The following STK33 variants were observed in gnomAD, a reference collection of about 807,000 sequenced individuals.
STK33 encodes the protein serine/threonine-protein kinase 33.
STK33 carries 52 observed loss-of-function variants against 58.0 expected under a neutral mutation model. That is an observed-to-expected ratio of 0.90 (90% CI 0.72 to 1.13). The LOEUF is 1.13. STK33 is among the 50% of genes most tolerant of loss of function. The pLI is 0.00. For synonymous variants in STK33, 215 were observed against 200.1 expected (o/e 1.07, Z -0.63); for missense variants, 630 against 604.2 (o/e 1.04, Z -0.45).
chr11:8,412,910 A>T (rs1380542881), intron 15 of STK33, among the ~76,000 whole-genome samples: 1 of 152,226 alleles, frequency 6.6e-6, no homozygotes, highest in African/African-American at 2.4e-5. Flanking sequence ...CTATTCATTA[A>T]AAAGAATAAA....
chr11:8,354,142 CTA>C, the STK33 span, among the ~76,000 whole-genome samples: 3 of 152,098 alleles, frequency 2.0e-5, no homozygotes, highest in African/African-American at 7.2e-5. Context: ...GATGAGAACA[CTA>C]TGTTACCCAC....
At chr11:8,525,535 T>C (rs983990189) in intron 1 of STK33, among the ~76,000 whole-genome samples, 3 of 152,164 alleles carry the variant, frequency 2.0e-5, no homozygotes. Context: ...GTGAGAAAAT[T>C]ACATATTCAT....
At chr11:8,549,896 T>C (rs760864296) in intron 1 of STK33, among the ~76,000 whole-genome samples, 5 of 152,212 alleles carry the variant, frequency 3.3e-5, no homozygotes, top group Non-Finnish European at 5.9e-5. Flanking sequence ...GTTTGTTGAT[T>C]TTCATATTTA....
chr11:8,424,760 C>T (rs938072299), intron 14 of STK33, among the ~76,000 whole-genome samples: 69 of 142,420 alleles, frequency 4.8e-4, no homozygotes, highest in Non-Finnish European at 7.3e-4. Flanking sequence ...CATTTTTTCA[C>T]GTGTCTTTTG....
At chr11:8,466,872 T>A (rs1360937107) in intron 6 of STK33, 2 of 152,270 alleles carry the variant, frequency 1.3e-5, no homozygotes, top group African/African-American at 4.8e-5. Context: ...AAACCCTAAT[T>A]CTTCACTTCT....
chr11:8,499,966 T>C (rs944115378), intron 1 of STK33, among the ~76,000 whole-genome samples: 40 of 152,242 alleles, frequency 2.6e-4, no homozygotes, highest in Non-Finnish European at 2.6e-4. Flanking sequence ...AAATACCTAA[T>C]GTAGATGATG....
chr11:8,529,038 A>G (rs1954294749), intron 1 of STK33, among the ~76,000 whole-genome samples: 1 of 152,228 alleles, frequency 6.6e-6, no homozygotes. Flanking sequence ...CAGTATGGCT[A>G]TATGGCTTGC....
the STK33 span, among the ~76,000 whole-genome samples, chr11:8,357,040 G>C: frequency 6.6e-6 from 1 of 152,186 alleles, no homozygotes; most frequent in South Asian, 2.1e-4. Context: ...TGAGGTCCTG[G>C]GTGCCCAAGC....
At chr11:8,361,518 C>A in the STK33 span, among the ~76,000 whole-genome samples, 1 of 152,106 alleles carries the variant, frequency 6.6e-6, no homozygotes, top group Non-Finnish European at 1.5e-5. The surrounding 1 kb of genome is among the most constrained non-coding windows in gnomAD (Gnocchi z 4.8). Flanking sequence ...CCACCGCCCC[C>A]ACCAATCCCT....
At chr11:8,405,219 C>T (rs1938896797) in intron 15 of STK33, among the ~76,000 whole-genome samples, 1 of 152,144 alleles carries the variant, frequency 6.6e-6, no homozygotes, top group African/African-American at 2.4e-5. Context: ...GGGAAAATTC[C>T]AGTTGTTTCA....
the STK33 span, among the ~76,000 whole-genome samples, chr11:8,357,470 G>A: frequency 2.6e-5 from 4 of 152,368 alleles, no homozygotes; most frequent in African/African-American, 9.6e-5. Flanking sequence ...GGTTCAATAA[G>A]TGCCAACTAT....
intron 1 of STK33, among the ~76,000 whole-genome samples, chr11:8,507,714 C>A (rs1481058523): frequency 1.3e-5 from 2 of 152,160 alleles, no homozygotes; most frequent in Non-Finnish European, 2.9e-5. Flanking sequence ...CAAGCCCCTA[C>A]TTTTTAATAC....
chr11:8,365,831 C>A, the STK33 span, among the ~76,000 whole-genome samples: 1 of 152,122 alleles, frequency 6.6e-6, no homozygotes, highest in Non-Finnish European at 1.5e-5. Context: ...CCCCCAAGGC[C>A]CATGCGCCCA....
chr11:8,515,604 A>T (rs770807184), intron 1 of STK33, among the ~76,000 whole-genome samples: 16 of 152,220 alleles, frequency 1.1e-4, no homozygotes, highest in Non-Finnish European at 1.6e-4. Flanking sequence ...AGCAAACTGA[A>T]TTCAACAGCA....
intron 14 of STK33, among the ~76,000 whole-genome samples, chr11:8,420,006 C>G (rs1590906402): frequency 6.6e-6 from 1 of 152,004 alleles, no homozygotes; most frequent in Non-Finnish European, 1.5e-5. Context: ...AGGAGTCTCA[C>G]TATGTTGCCT....
intron 8 of STK33, 109 bp downstream of exon 8, chr11:8,461,696 T>C (rs1326012102): frequency 4.2e-6 from 3 of 721,088 alleles, no homozygotes; most frequent in South Asian, 6.2e-5. Flanking sequence ...GACAGACTCA[T>C]GGCCAAGGAC....
intron 1 of STK33, among the ~76,000 whole-genome samples, chr11:8,587,727 G>A (rs10840084): frequency 0.46 from 70,295 of 152,060 alleles, 16,428 homozygotes; most frequent in Non-Finnish European, 0.5. Flanking sequence ...TCTTGGGAAA[G>A]GGCAATCCTT....
intron 1 of STK33, among the ~76,000 whole-genome samples, chr11:8,484,531 C>G (rs144531670): frequency 9.9e-5 from 15 of 152,272 alleles, no homozygotes; most frequent in Non-Finnish European, 1.9e-4. Context: ...GAATAGCCTA[C>G]GAGCAACTTG....
chr11:8,479,991 G>C (rs1317367491), intron 2 of STK33, among the ~76,000 whole-genome samples: 1 of 152,170 alleles, frequency 6.6e-6, no homozygotes, highest in South Asian at 2.1e-4. Context: ...CATTTAGTTA[G>C]AAAAACAGGC....
Sources: allele counts gnomAD v4.1 joint callset (sites outside exome capture counted in the v4.1 genomes callset), GRCh38; gene constraint gnomAD v4.1.1; non-coding constraint Gnocchi (gnomAD v3.1); transcripts MANE v1.5; gene names NCBI Gene and HGNC (gene_info 2026-07-23, HGNC 2026-07-21).